Variants in RALY observed in about 807,000 individuals in gnomAD.
RALY encodes the protein RNA-binding protein Raly.
A neutral mutation model predicts 30.7 loss-of-function variants in RALY; 15 were observed. The ratio of observed to expected loss-of-function variants is 0.49; its 90% CI spans 0.33 to 0.75. The LOEUF is 0.75. RALY is among the 30% of genes least tolerant of loss of function. RALY has a pLI of 0.02. For missense variants in RALY, 339 were observed against 414.3 expected, an observed-to-expected ratio of 0.82 and a Z score of 1.58; for synonymous variants, 177 against 170.8, an observed-to-expected ratio of 1.04 and a Z score of -0.28.
intron 2 of RALY, among the ~76,000 whole-genome samples, chr20:34,068,962 G>A (rs1029733832): frequency 1.3e-5 from 2 of 152,184 alleles, no homozygotes; most frequent in Admixed American, 6.5e-5. Context: ...CTGTTTAGAC[G>A]AGGAGCTCAA....
chr20:34,078,609 G>A, intron 9 of RALY, 56 bp downstream of exon 9: 1 of 1,457,154 alleles, frequency 6.9e-7, no homozygotes, highest in Non-Finnish European at 9.1e-7. Flanking sequence ...AGTGGAGGTT[G>A]TGCCTTTTCC....
At chr20:34,034,254 C>G (rs2032392867) in intron 2 of RALY, among the ~76,000 whole-genome samples, 1 of 152,196 alleles carries the variant, frequency 6.6e-6, no homozygotes, top group Admixed American at 6.5e-5. Context: ...ATCTTGTTCT[C>G]CCCCTTCACC....
At chr20:34,064,353 T>A (rs963570337) in intron 2 of RALY, among the ~76,000 whole-genome samples, 1 of 152,152 alleles carries the variant, frequency 6.6e-6, no homozygotes. Context: ...TATGGGGAGA[T>A]AACTGAGGCC....
At chr20:34,002,372 T>G (rs1035367135) in intron 1 of RALY, among the ~76,000 whole-genome samples, 3 of 152,220 alleles carry the variant, frequency 2.0e-5, no homozygotes, top group African/African-American at 4.8e-5. Flanking sequence ...CAACCATTCG[T>G]TCCAGGAATT....
At chr20:34,078,600 G>A (rs1438820592) in intron 9 of RALY, 47 bp downstream of exon 9, 5 of 1,476,876 alleles carry the variant, frequency 3.4e-6, no homozygotes, top group Non-Finnish European at 4.5e-6. Flanking sequence ...AATCAGTGAA[G>A]TGGAGGTTGT....
chr20:34,064,881 G>A (rs1016356828), intron 2 of RALY, among the ~76,000 whole-genome samples: 4 of 152,146 alleles, frequency 2.6e-5, no homozygotes, highest in Admixed American at 6.5e-5. Context: ...TTGCAGTTGA[G>A]GACTCTGAGG....
chr20:34,034,013 G>C (rs75780060), intron 2 of RALY, among the ~76,000 whole-genome samples: 2 of 152,170 alleles, frequency 1.3e-5, no homozygotes, highest in African/African-American at 4.8e-5. Flanking sequence ...AGGTTTGAGT[G>C]CACTCATGAA....
chr20:34,040,113 A>G (rs1426247395), intron 2 of RALY, among the ~76,000 whole-genome samples: 4 of 152,014 alleles, frequency 2.6e-5, no homozygotes, highest in Non-Finnish European at 4.4e-5. Flanking sequence ...CCCATCTCAA[A>G]AAAAAAAAAG....
intron 2 of RALY, chr20:34,049,146 CT>C (rs2032992688): frequency 6.5e-6 from 1 of 153,698 alleles, no homozygotes; most frequent in South Asian, 2.0e-4. Context: ...CAGAGCCTGG[CT>C]TTGGCATCTA....
At chr20:34,028,217 C>T (rs537826354) in intron 1 of RALY, among the ~76,000 whole-genome samples, 2 of 150,906 alleles carry the variant, frequency 1.3e-5, no homozygotes, top group South Asian at 2.1e-4. Context: ...AACCAGGAGG[C>T]GGAGGTTGCA....
chr20:34,082,846 A>T lies in RALY; in HGVS notation c.*2941A>T, dbSNP rs951184057. 2.0e-5 allele frequency: 3 copies of T among 152,254 alleles called. No individual in the cohort carries two copies. Among genetic ancestry groups the T allele is most frequent in the African/African-American group, 4.8e-5 (2 of 41,466 alleles). The allele number at this position is 152,254 out of a possible 1,614,324, so 9.4% of individuals were successfully genotyped here. ...CTGAAAACTCCAGAAGGAGATGGTG[A>T]TAAATGTGGTACCGGATTCTGCCTA... is the stretch of plus-strand genomic sequence containing the variant. On this transcript the variant is annotated 3_prime_UTR_variant, in exon 10 of 10. Coordinates refer to ENST00000246194, the MANE Select transcript of RALY (RefSeq NM_016732.3).
At chr20:34,028,370 C>G (rs1442125793) in intron 1 of RALY, among the ~76,000 whole-genome samples, 1 of 151,634 alleles carries the variant, frequency 6.6e-6, no homozygotes, top group African/African-American at 2.4e-5. Flanking sequence ...AGAAGGGGAA[C>G]AGGGGTACTG....
intron 1 of RALY, among the ~76,000 whole-genome samples, chr20:34,011,042 GT>G (rs1296563901): frequency 2.1e-5 from 2 of 93,548 alleles, no homozygotes; most frequent in African/African-American, 3.1e-5. Context: ...TGGGGGGGGG[GT>G]TCTCAAACTG....
chr20:34,007,009 G>A (rs1410221797), intron 1 of RALY, among the ~76,000 whole-genome samples: 1 of 151,986 alleles, frequency 6.6e-6, no homozygotes, highest in East Asian at 1.9e-4. Context: ...GTGTCTCTTT[G>A]TCCTCTGTAT....
At chr20:34,006,903 TC>T (rs966373662) in intron 1 of RALY, among the ~76,000 whole-genome samples, 4 of 152,176 alleles carry the variant, frequency 2.6e-5, no homozygotes, top group Admixed American at 6.5e-5. Context: ...AGTGTAGTTA[TC>T]CCCCCCATTA....
chr20:34,042,279 A>G (rs998479204), intron 2 of RALY, among the ~76,000 whole-genome samples: 23 of 152,166 alleles, frequency 1.5e-4, no homozygotes, highest in Admixed American at 1.3e-3. Context: ...CCAGGATCAC[A>G]GTTCGTAAAA....
intron 1 of RALY, among the ~76,000 whole-genome samples, chr20:34,005,770 T>C (rs1046028333): frequency 5.3e-5 from 8 of 152,238 alleles, no homozygotes; most frequent in South Asian, 2.1e-4. Context: ...TTAAGAGATA[T>C]GCCGTGGGCA....
intron 6 of RALY, chr20:34,076,331 C>T: frequency 1.9e-6 from 1 of 514,220 alleles, no homozygotes; most frequent in Non-Finnish European, 3.5e-6. Context: ...CCCATTACTC[C>T]ACATTCACTC....
chr20:34,008,574 T>A (rs374882292), intron 1 of RALY, among the ~76,000 whole-genome samples: 2 of 152,240 alleles, frequency 1.3e-5, no homozygotes, highest in Admixed American at 6.5e-5. Flanking sequence ...TTCAGTCTTA[T>A]CCTCTAGATC....
Sources: gnomAD v4.1 joint callset for allele counts (sites outside exome capture counted in the v4.1 genomes callset) on GRCh38, gnomAD v4.1.1 for gene constraint, MANE v1.5 for transcripts, NCBI Gene and HGNC (gene_info 2026-07-23, HGNC 2026-07-21) for gene names.